The following STX11 variants were observed in gnomAD, a reference collection of about 807,000 sequenced individuals.
The protein encoded by STX11 is syntaxin-11.
In STX11, 21 loss-of-function variants were observed where a neutral mutation model predicts 19.9. The ratio of observed to expected loss-of-function variants is 1.06; its 90% CI spans 0.75 to 1.52. The LOEUF (loss-of-function observed/expected upper bound fraction) is 1.52. Ranked by LOEUF, STX11 falls within the 40% of genes most tolerant of loss-of-function variation. The pLI, the probability that STX11 is intolerant of heterozygous loss-of-function variation, is 0.00. For synonymous variants in STX11, 193 were observed against 174.4 expected (o/e 1.11, Z -0.84); for missense variants, 438 against 405.9 (o/e 1.08, Z -0.68).
At chr6:144,147,280 C>T (rs1800893680), upstream of STX11, among the ~76,000 whole-genome samples, 1 of 152,170 alleles carries the variant, frequency 6.6e-6, no homozygotes, top group Non-Finnish European at 1.5e-5. The surrounding 1 kb of genome is among the most constrained non-coding windows in gnomAD (Gnocchi z 4.2). Flanking sequence ...TCATCCCCCA[C>T]TAAAACTCTT....
intron 1 of STX11, among the ~76,000 whole-genome samples, chr6:144,157,916 C>T (rs529556412): frequency 4.7e-4 from 72 of 151,880 alleles, no homozygotes; most frequent in African/African-American, 1.6e-3. Context: ...TCAAACCAGT[C>T]CAGTGTGTAG....
intron 1 of STX11, among the ~76,000 whole-genome samples, chr6:144,158,079 C>T (rs1475976868): frequency 6.6e-6 from 1 of 152,074 alleles, no homozygotes; most frequent in Non-Finnish European, 1.5e-5. Flanking sequence ...CATGAATTGA[C>T]ATTTTCAACA....
the STX11 span, chr6:144,140,901 G>A: frequency 1.6e-6 from 1 of 618,194 alleles, no homozygotes; most frequent in Non-Finnish European, 2.0e-6. Flanking sequence ...AATGTTTAAT[G>A]TATCTGTGAA....
At position 144,187,454 on chromosome 6, in the gene STX11, G is replaced by T. The variant is rs762359713; in HGVS notation, c.827G>T (p.Arg276Leu). The T allele has an allele frequency of 5.6e-6, 9 of 1,612,334 alleles. No homozygotes were observed. In the South Asian group the frequency reaches 9.9e-5, roughly 18 times the overall value. ...CAGTACGAGGAGAAGAACCCCTGCC[G>T]GACCCTCTGCTGCTTCTGCTGTCCC... is the stretch of plus-strand genomic sequence containing the variant. ...AVQYEEKNPC[R>L]TLCCFCCPCL... Residue 276 changes from arginine to leucine, a missense_variant, in exon 2 of 2, where the codon CGG (arginine) becomes CTG (leucine). Arg to Leu is a moderately radical substitution (Grantham distance 102). Transcript: ENST00000367568. The surrounding 1 kb of genome is among the most constrained non-coding windows in gnomAD (Gnocchi z 5.6).
At position 144,167,273 on chromosome 6, in the gene STX11, C is replaced by G. The variant is rs1801508815; in HGVS notation, c.-6+16570C>G. Among the ~76,000 whole-genome samples, 1 of 152,256 alleles carries G rather than the reference C, an allele frequency of 6.6e-6. No homozygotes were observed. Among genetic ancestry groups the G allele is most frequent in the African/African-American group, 2.4e-5 (1 of 41,558 alleles). On this transcript the variant is annotated intron_variant, in intron 1 of 1. Transcript: ENST00000367568. The surrounding 1 kb of genome is among the most constrained non-coding windows in gnomAD (Gnocchi z 5.0). ...ATTTATTATTACAAGTTGAGTATTT[C>G]TTATCTGAAATGCTTGGTACTAGAA...
rs1801127171 is a variant in STX11 at position 144,155,946 on chromosome 6, C to A, written c.-6+5243C>A. On this transcript the variant is annotated intron_variant, in intron 1 of 1. Transcript: ENST00000367568. This position sits in a 1 kb window ranked among gnomAD's most constrained non-coding sequence, Gnocchi z 4.5. ...AAATGTGTTTTAAAATTTAATCTTT[C>A]TTTCTTTCTTTCTTTCTTTCTTTCT... is the stretch of plus-strand genomic sequence containing the variant. 4.2e-5 allele frequency among the ~76,000 whole-genome samples: 1 copy of A among 23,872 alleles called. No homozygotes were observed. Among genetic ancestry groups the A allele is most frequent in the Non-Finnish European group, 1.7e-4 (1 of 5,962 alleles). The allele number at this position is 23,872 out of a possible 152,430, so 15.7% of individuals were successfully genotyped here. A position where few individuals can be genotyped will look rare whatever the true frequency, so the allele number is the denominator to read the frequency against.
the STX11 span, among the ~76,000 whole-genome samples, chr6:144,145,450 T>C: frequency 6.6e-6 from 1 of 152,236 alleles, no homozygotes; most frequent in Non-Finnish European, 1.5e-5. Flanking sequence ...GATTTTTGCA[T>C]GTCCCTGTTC....
At chr6:144,145,775 T>G (rs1171886008), upstream of STX11, among the ~76,000 whole-genome samples, 1 of 151,992 alleles carries the variant, frequency 6.6e-6, no homozygotes, top group Non-Finnish European at 1.5e-5. Flanking sequence ...GAAAAAAAAG[T>G]AGAATGGTGG....
rs1357443251 is a variant in STX11, at chr6:144,177,093, A to G, written c.-5-9530A>G. Among the ~76,000 whole-genome samples, 2 of 152,254 alleles carry G rather than the reference A, an allele frequency of 1.3e-5. No homozygotes were observed. The highest frequency in any genetic ancestry group is 2.9e-5 in the Non-Finnish European group (2 of 68,046). On this transcript the variant is annotated intron_variant, in intron 1 of 1. Coordinates refer to ENST00000367568, the MANE Select transcript of STX11 (RefSeq NM_003764.4). This position sits in a 1 kb window ranked among gnomAD's most constrained non-coding sequence, Gnocchi z 4.4. ...AGATAAAGGAATGTAAAAATTCTTA[A>G]CTGGTGTTACGAGTTGGAAAAGAAA...
chr6:144,173,797 C>G (rs1186624776), intron 1 of STX11, among the ~76,000 whole-genome samples: 1 of 152,214 alleles, frequency 6.6e-6, no homozygotes, highest in African/African-American at 2.4e-5. Context: ...CACTTCCACC[C>G]TCCTCTGACA....
At chr6:144,179,272 G>A (rs956275765) in intron 1 of STX11, among the ~76,000 whole-genome samples, 2 of 152,172 alleles carry the variant, frequency 1.3e-5, no homozygotes, top group Admixed American at 1.3e-4. Flanking sequence ...CGGATCCCTC[G>A]CACAACGTGT....
At position 144,176,353 on chromosome 6, in the gene STX11, G is replaced by A. The variant is rs78849040; in HGVS notation, c.-5-10270G>A. On this transcript the variant is annotated intron_variant, in intron 1 of 1. Coordinates refer to ENST00000367568, the MANE Select transcript of STX11 (RefSeq NM_003764.4). The surrounding 1 kb of genome is among the most constrained non-coding windows in gnomAD (Gnocchi z 4.1). ...CTCACTGGGTGAACTTAACTTCTCC[G>A]AGACCCAGTTATTAGTAAATCGAAA... is the stretch of plus-strand genomic sequence containing the variant. Among the ~76,000 whole-genome samples, 860 of 152,182 alleles carry A rather than the reference G, an allele frequency of 5.7e-3. 9 individuals carry two copies. Among genetic ancestry groups the A allele is most frequent in the African/African-American group, 0.02 (828 of 41,476 alleles).
At chr6:144,150,776 G>A in intron 1 of STX11, 73 bp downstream of exon 1, 1 of 868,788 alleles carries the variant, frequency 1.2e-6, no homozygotes, top group Non-Finnish European at 1.4e-6. Context: ...GATCGGGGAG[G>A]GCGGGTCGGG....
Position 144,189,542 on chromosome 6 carries a change from T to A in STX11, c.*2051T>A, listed in dbSNP as rs565268373. Among the ~76,000 whole-genome samples the A allele has an allele frequency of 5.3e-5, 8 of 152,358 alleles. No individual in the cohort carries two copies. In the East Asian group the frequency reaches 1.3e-3, roughly 26 times the overall value. Reference sequence around the variant, plus strand: ...TACCATGTTTCCTGGCCTTCCTCTGTGTCAACTCTTAGCTCTTCCTAATCA... The same window carrying A: ...TACCATGTTTCCTGGCCTTCCTCTGAGTCAACTCTTAGCTCTTCCTAATCA... On this transcript the variant is annotated 3_prime_UTR_variant, in exon 2 of 2. Coordinates refer to ENST00000367568, the MANE Select transcript of STX11 (RefSeq NM_003764.4).
At position 144,175,470 on chromosome 6, in the gene STX11, C is replaced by T. The variant is rs556963601; in HGVS notation, c.-5-11153C>T. Among the ~76,000 whole-genome samples, 1 of 152,246 alleles carries T rather than the reference C, an allele frequency of 6.6e-6. No individual in the cohort carries two copies. Among genetic ancestry groups the T allele is most frequent in the African/African-American group, 2.4e-5 (1 of 41,554 alleles). ...TACAGGTATATGCCACCACGCCCAGCTGATTTTTGTATTTTCAGTAGAGAT... is the reference window on the plus strand; with the variant it reads ...TACAGGTATATGCCACCACGCCCAGTTGATTTTTGTATTTTCAGTAGAGAT... On this transcript the variant is annotated intron_variant, in intron 1 of 1. Coordinates refer to ENST00000367568, the MANE Select transcript of STX11 (RefSeq NM_003764.4). This position sits in a 1 kb window ranked among gnomAD's most constrained non-coding sequence, Gnocchi z 5.1.
In STX11 at chr6:144,178,190, A is replaced by G. The variant is rs1471770782; in HGVS notation, c.-5-8433A>G. ...TACGGATGGATTCTCAAGTAGTCAC[A>G]CTTTTGGGATTTATATCTCAACTCC... is the stretch of plus-strand genomic sequence containing the variant. On this transcript the variant is annotated intron_variant, in intron 1 of 1. Coordinates refer to ENST00000367568, the MANE Select transcript of STX11 (RefSeq NM_003764.4). Among the ~76,000 whole-genome samples the G allele has an allele frequency of 2.6e-5, 4 of 152,230 alleles. No individual in the cohort carries two copies. The South Asian group carries it at 8.3e-4, about 31-fold the overall frequency.
chr6:144,148,069 T>C (rs1800908973), upstream of STX11, among the ~76,000 whole-genome samples: 1 of 152,162 alleles, frequency 6.6e-6, no homozygotes, highest in Non-Finnish European at 1.5e-5. Context: ...CTTTAATCTG[T>C]CCTCAACAAA....
chr6:144,179,060 C>A (rs905070828), intron 1 of STX11, among the ~76,000 whole-genome samples: 2 of 152,048 alleles, frequency 1.3e-5, no homozygotes, highest in Non-Finnish European at 2.9e-5. Context: ...GGAGAACTTA[C>A]AATCATGGTG....
In STX11 at chr6:144,150,698, G is replaced by A; in HGVS notation, c.-11G>A. 3 of 984,552 alleles carry A rather than the reference G, an allele frequency of 3.0e-6. No homozygotes were observed. The highest frequency in any genetic ancestry group is 3.6e-6 in the Non-Finnish European group (3 of 829,818). 61.0% of individuals were successfully genotyped at this position (984,552 alleles called of 1,614,324 possible). ...TTCTCGGTTCGCACTCTCGCTCCCA[G>A]TCCAGGTTTGTTTTTCTCTTCCTGA... On this transcript the variant is annotated 5_prime_UTR_variant, in exon 1 of 2. Coordinates refer to ENST00000367568, the MANE Select transcript of STX11 (RefSeq NM_003764.4).
Sources: gnomAD v4.1 joint callset for allele counts (sites outside exome capture counted in the v4.1 genomes callset) on GRCh38, gnomAD v4.1.1 for gene constraint, Gnocchi (gnomAD v3.1) non-coding constraint, MANE v1.5 for transcripts, NCBI Gene and HGNC (gene_info 2026-07-23, HGNC 2026-07-21) for gene names.